Variants in GSG1L observed in about 807,000 individuals in gnomAD.
GSG1L encodes germ cell-specific gene 1-like protein.
A neutral mutation model predicts 42.1 loss-of-function variants in GSG1L; 24 were observed. The ratio of observed to expected loss-of-function variants is 0.57; its 90% CI spans 0.41 to 0.80. The LOEUF (loss-of-function observed/expected upper bound fraction) is 0.80, where lower values mean the gene tolerates loss of function less well. Among genes scored for constraint, GSG1L ranks in the 30% least tolerant of loss-of-function variants. The pLI, the probability that GSG1L is intolerant of heterozygous loss-of-function variation, is 0.00. For synonymous variants in GSG1L, 215 were observed against 203.5 expected (o/e 1.06, Z -0.48); for missense variants, 445 against 472.2 (o/e 0.94, Z 0.53).
intron 3 of GSG1L, among the ~76,000 whole-genome samples, chr16:27,872,163 C>T (rs1177098927): frequency 6.6e-6 from 1 of 152,182 alleles, no homozygotes; most frequent in Non-Finnish European, 1.5e-5. Flanking sequence ...TGGGCAGCTG[C>T]ACTCATTTAA....
intron 1 of GSG1L, among the ~76,000 whole-genome samples, chr16:28,056,408 G>A (rs1166962806): frequency 6.8e-6 from 1 of 146,096 alleles, no homozygotes; most frequent in East Asian, 2.1e-4. Flanking sequence ...ACTTATAGGT[G>A]GGAATTGAAC....
At chr16:27,970,659 C>T (rs928361794) in intron 1 of GSG1L, among the ~76,000 whole-genome samples, 2 of 151,796 alleles carry the variant, frequency 1.3e-5, no homozygotes, top group African/African-American at 4.8e-5. Flanking sequence ...GCCTCAGCCT[C>T]CCAAAGTGCT....
At chr16:27,900,835 A>C (rs996005311) in intron 2 of GSG1L, among the ~76,000 whole-genome samples, 3 of 144,532 alleles carry the variant, frequency 2.1e-5, no homozygotes, top group African/African-American at 5.1e-5. Flanking sequence ...AAAAAAAAAA[A>C]CAGATACATA....
chr16:27,907,026 C>T (rs957867701), intron 2 of GSG1L, among the ~76,000 whole-genome samples: 3 of 152,220 alleles, frequency 2.0e-5, no homozygotes, highest in African/African-American at 7.2e-5. Context: ...AGTCCAGCTG[C>T]TCCCAGCTAC....
intron 5 of GSG1L, among the ~76,000 whole-genome samples, chr16:27,807,877 A>G (rs1442049933): frequency 6.6e-6 from 1 of 152,238 alleles, no homozygotes; most frequent in Non-Finnish European, 1.5e-5. Flanking sequence ...TGCGAATGGT[A>G]TATATCAAAA....
At chr16:27,853,481 C>T (rs1222755428) in intron 3 of GSG1L, among the ~76,000 whole-genome samples, 2 of 152,086 alleles carry the variant, frequency 1.3e-5, no homozygotes, top group African/African-American at 4.8e-5. Flanking sequence ...TCTGAGGACA[C>T]GGGGAGGGGG....
intron 5 of GSG1L, among the ~76,000 whole-genome samples, chr16:27,816,397 C>T (rs1367518640): frequency 2.0e-5 from 3 of 152,134 alleles, no homozygotes; most frequent in Non-Finnish European, 4.4e-5. Flanking sequence ...AAACTGGGGA[C>T]AAGGAACTTC....
At chr16:28,022,494 T>TC (rs2085855697) in intron 1 of GSG1L, among the ~76,000 whole-genome samples, 1 of 151,472 alleles carries the variant, frequency 6.6e-6, no homozygotes, top group Non-Finnish European at 1.5e-5. Flanking sequence ...TTTTTTTTTT[T>TC]GAGACAGTCT....
At chr16:27,863,515 T>C (rs2083679887) in intron 3 of GSG1L, among the ~76,000 whole-genome samples, 1 of 152,242 alleles carries the variant, frequency 6.6e-6, no homozygotes, top group Non-Finnish European at 1.5e-5. Context: ...TTTTTATTTC[T>C]ATAACCCAAG....
intron 2 of GSG1L, among the ~76,000 whole-genome samples, chr16:27,946,579 AAG>A (rs1166800286): frequency 4.3e-3 from 158 of 37,020 alleles, no homozygotes; most frequent in Non-Finnish European, 5.5e-3. Flanking sequence ...GAAAGAAAGA[AAG>A]AGAGAGAGAG....
At chr16:27,855,813 A>G (rs2083570872) in intron 3 of GSG1L, among the ~76,000 whole-genome samples, 1 of 151,996 alleles carries the variant, frequency 6.6e-6, no homozygotes, top group Admixed American at 6.5e-5. Context: ...GGTACTAGCA[A>G]GAAATCACCC....
At chr16:27,999,796 C>T (rs1262415837) in intron 1 of GSG1L, among the ~76,000 whole-genome samples, 1 of 152,130 alleles carries the variant, frequency 6.6e-6, no homozygotes, top group East Asian at 1.9e-4. Context: ...AATCAGGGAT[C>T]CAGGCTCCTT....
intron 3 of GSG1L, among the ~76,000 whole-genome samples, chr16:27,871,075 C>T (rs2083814336): frequency 1.4e-5 from 2 of 147,272 alleles, no homozygotes; most frequent in African/African-American, 5.4e-5. Flanking sequence ...CTCACTTTCC[C>T]CTTTCCCAAC....
Position 28,041,952 on chromosome 16 carries a change from T to C in GSG1L, c.349+21124A>G, listed in dbSNP as rs182618375. Among the ~76,000 whole-genome samples the C allele has an allele frequency of 1.7e-3, 265 of 152,344 alleles. 1 individual carries two copies. Among genetic ancestry groups the C allele is most frequent in the Non-Finnish European group, 2.2e-3 (147 of 68,028 alleles). ...CTTCCATCCACTCAACATCTTGAGC[T>C]GCAAAGTAAAACTGGGCAAAGACGT... On this transcript the variant is annotated intron_variant, in intron 1 of 6. Coordinates refer to ENST00000447459, the MANE Select transcript of GSG1L (RefSeq NM_001109763.2).
At chr16:28,039,796 G>A (rs1002821747) in intron 1 of GSG1L, among the ~76,000 whole-genome samples, 1 of 151,458 alleles carries the variant, frequency 6.6e-6, no homozygotes, top group African/African-American at 2.4e-5. Context: ...GCACACATAC[G>A]CACACAGGCA....
intron 2 of GSG1L, among the ~76,000 whole-genome samples, chr16:27,947,044 G>A (rs1441071506): frequency 6.6e-6 from 1 of 152,230 alleles, no homozygotes; most frequent in Non-Finnish European, 1.5e-5. Context: ...GAGAGCCAGA[G>A]CTGGAATCTG....
At chr16:28,014,693 C>T (rs2085760730) in intron 1 of GSG1L, among the ~76,000 whole-genome samples, 1 of 130,532 alleles carries the variant, frequency 7.7e-6, no homozygotes, top group Admixed American at 8.8e-5. Flanking sequence ...GGGACGGGGT[C>T]TCACTATGTT....
intron 3 of GSG1L, among the ~76,000 whole-genome samples, chr16:27,855,896 C>G (rs144003444): frequency 6.6e-6 from 1 of 152,054 alleles, no homozygotes; most frequent in Non-Finnish European, 1.5e-5. Flanking sequence ...GTGCTCTGTT[C>G]TGGGGGTCAG....
At chr16:27,803,997 T>C (rs35366670) in intron 6 of GSG1L, among the ~76,000 whole-genome samples, 19,333 of 150,004 alleles carry the variant, frequency 0.13, 1,636 homozygotes, top group Non-Finnish European at 0.19. Flanking sequence ...GATTGACAGA[T>C]GAATAATAGA....
Sources: allele counts gnomAD v4.1 joint callset (sites outside exome capture counted in the v4.1 genomes callset), GRCh38; gene constraint gnomAD v4.1.1; transcripts MANE v1.5; gene names NCBI Gene and HGNC (gene_info 2026-07-23, HGNC 2026-07-21).